PCDHGB5: variants seen among roughly 807,000 people sequenced by gnomAD.
PCDHGB5 encodes protocadherin gamma-B5.
A neutral mutation model predicts 62.9 loss-of-function variants in PCDHGB5; 48 were observed. The ratio of observed to expected loss-of-function variants is 0.76; its 90% CI spans 0.61 to 0.97. The LOEUF (loss-of-function observed/expected upper bound fraction) is 0.97. Ranked by LOEUF, PCDHGB5 falls within the 50% of genes least tolerant of loss-of-function variation. PCDHGB5 has a pLI of 0.00. For missense variants in PCDHGB5, 1,118 were observed against 1,198.6 expected, an observed-to-expected ratio of 0.93 and a Z score of 0.99; for synonymous variants, 474 against 511.2, an observed-to-expected ratio of 0.93 and a Z score of 0.98.
At chr5:141,503,023 A>T (rs1163676028) in intron 2 of PCDHGB5, among the ~76,000 whole-genome samples, 1 of 141,884 alleles carries the variant, frequency 7.0e-6, no homozygotes, top group African/African-American at 2.6e-5. Context: ...TTTTTTTTTT[A>T]ATATCTATTT....
chr5:141,422,785 T>C, intron 1 of PCDHGB5: 1 of 1,614,146 alleles, frequency 6.2e-7, no homozygotes, highest in Non-Finnish European at 8.5e-7. Flanking sequence ...TGCCCTACAA[T>C]CCTTCGACTA....
chr5:141,449,484 A>G (rs1003440539), intron 1 of PCDHGB5, among the ~76,000 whole-genome samples: 2 of 150,848 alleles, frequency 1.3e-5, no homozygotes, highest in Non-Finnish European at 3.0e-5. Context: ...CCCCATGCCT[A>G]AGGGTGAGGC....
At position 141,431,424 on chromosome 5, in the gene PCDHGB5, G is replaced by A; in HGVS notation, c.2397+30900G>A. The A allele has an allele frequency of 1.9e-6, 3 of 1,613,676 alleles. No individual in the cohort carries two copies. The highest frequency in any genetic ancestry group is 2.5e-6 in the Non-Finnish European group (3 of 1,180,028). On this transcript the variant is annotated intron_variant, in intron 1 of 3. Coordinates refer to ENST00000617380, the MANE Select transcript of PCDHGB5 (RefSeq NM_018925.3). The surrounding 1 kb of genome is among the most constrained non-coding windows in gnomAD (Gnocchi z 4.8). ...GCCTCCGACGGGGGCGACCCGGTGC[G>A]CACAGGCACCGCGCGCATCCGCGTG... is the stretch of plus-strand genomic sequence containing the variant.
At chr5:141,461,133 T>C (rs2099009646) in intron 1 of PCDHGB5, among the ~76,000 whole-genome samples, 1 of 152,086 alleles carries the variant, frequency 6.6e-6, no homozygotes, top group South Asian at 2.1e-4. Flanking sequence ...TAATTACTTA[T>C]TTTCCTTTGG....
At chr5:141,445,964 T>C (rs1199096510) in intron 1 of PCDHGB5, among the ~76,000 whole-genome samples, 2 of 152,280 alleles carry the variant, frequency 1.3e-5, no homozygotes, top group South Asian at 4.1e-4. Context: ...ATATGGAGAA[T>C]TGATTTATGA....
chr5:141,423,260 G>A (rs1402237346), intron 1 of PCDHGB5: 2 of 1,613,996 alleles, frequency 1.2e-6, no homozygotes, highest in South Asian at 1.1e-5. Flanking sequence ...GACCTCGGCA[G>A]CCTCGAGTCT....
rs1399250599 is a variant in PCDHGB5, at chr5:141,476,902, C to A, written c.2398-17905C>A. On this transcript the variant is annotated intron_variant, in intron 1 of 3. Coordinates refer to ENST00000617380, the MANE Select transcript of PCDHGB5 (RefSeq NM_018925.3). The surrounding 1 kb of genome is among the most constrained non-coding windows in gnomAD (Gnocchi z 7.6). ...TGGAGGATGCACCCTCCGGCACGCG[C>A]GTGGTACAAGTCCTTGCAACGGATC... 5 of 1,613,880 alleles carry A rather than the reference C, an allele frequency of 3.1e-6. No individual in the cohort carries two copies. Among genetic ancestry groups the A allele is most frequent in the South Asian group, 1.1e-5 (1 of 91,090 alleles).
intron 1 of PCDHGB5, among the ~76,000 whole-genome samples, chr5:141,458,513 G>T (rs968604511): frequency 6.8e-6 from 1 of 146,128 alleles, no homozygotes; most frequent in Non-Finnish European, 1.5e-5. Flanking sequence ...TTGACACTTT[G>T]TTTTTTTTTT....
At chr5:141,440,472 A>C (rs913774913) in intron 1 of PCDHGB5, 6 of 152,322 alleles carry the variant, frequency 3.9e-5, no homozygotes, top group Admixed American at 3.9e-4. Flanking sequence ...ACGGTAGTTG[A>C]AAATTCTTTA....
chr5:141,424,018 CACAA>C (rs909442976), intron 1 of PCDHGB5: 3 of 1,051,682 alleles, frequency 2.9e-6, no homozygotes, highest in South Asian at 4.6e-5. Context: ...ATTAATGATT[CACAA>C]ACACTTTTTA....
chr5:141,422,734 T>A, intron 1 of PCDHGB5: 2 of 1,608,114 alleles, frequency 1.2e-6, no homozygotes, highest in Non-Finnish European at 1.7e-6. Context: ...GGTGCCTCTG[T>A]CCTCCTATGT....
At chr5:141,429,169 T>TACATACACACACACACAC (rs369570830) in intron 1 of PCDHGB5, 115 of 145,474 alleles carry the variant, frequency 7.9e-4, no homozygotes, top group African/African-American at 2.1e-3. Flanking sequence ...ACATTGTTTA[T>TACATACACACACACACAC]ACACACACAC....
In PCDHGB5 at chr5:141,490,594, C is replaced by A. The variant is rs1276468877; in HGVS notation, c.2398-4213C>A. The A allele has an allele frequency of 2.5e-6, 4 of 1,614,056 alleles. No individual in the cohort carries two copies. The highest frequency in any genetic ancestry group is 1.6e-4 in the Middle Eastern group (1 of 6,084). On this transcript the variant is annotated intron_variant, in intron 1 of 3. Transcript: ENST00000617380. The surrounding 1 kb of genome is among the most constrained non-coding windows in gnomAD (Gnocchi z 5.4). ...CATTTCAGATGTCAATGACAATGCA[C>A]CCCGCTTCAACCAGCAGCTTTACAC...
At chr5:141,404,495 T>A in intron 1 of PCDHGB5, 1 of 1,613,920 alleles carries the variant, frequency 6.2e-7, no homozygotes, top group South Asian at 1.1e-5. Context: ...TGGTGTGCTG[T>A]ATGCTCTGTG....
At chr5:141,413,102 G>A in intron 1 of PCDHGB5, 1 of 1,480,778 alleles carries the variant, frequency 6.8e-7, no homozygotes, top group Non-Finnish European at 9.1e-7. Context: ...TGAAGCCACA[G>A]AAAGACAAAG....
In PCDHGB5 at chr5:141,413,371, CGCGGAGT is replaced by C. The variant is rs765391000; in HGVS notation, c.2397+12848_2397+12854del. The C allele has an allele frequency of 3.7e-6, 6 of 1,613,848 alleles. No homozygotes were observed. In the African/African-American group the frequency reaches 8.0e-5, roughly 22 times the overall value. On this transcript the variant is annotated intron_variant, in intron 1 of 3. Coordinates refer to ENST00000617380, the MANE Select transcript of PCDHGB5 (RefSeq NM_018925.3). ...TCTGGCGCCCCGGGAGCTGGCGGAG[CGCGGAGT>C]CCGCATAGTCTCCAGAGGTAGGACG...
chr5:141,500,184 T>TTTTATTTATTTATTTATTTA (rs58019021), intron 2 of PCDHGB5, among the ~76,000 whole-genome samples: 1 of 135,886 alleles, frequency 7.4e-6, no homozygotes, highest in African/African-American at 2.7e-5. Flanking sequence ...TCATTTTTAT[T>TTTTATTTATTTATTTATTTA]TTTATTTATT....
intron 1 of PCDHGB5, among the ~76,000 whole-genome samples, chr5:141,456,584 A>G (rs990911693): frequency 6.6e-6 from 1 of 152,212 alleles, no homozygotes; most frequent in Non-Finnish European, 1.5e-5. Flanking sequence ...TGAGCCTGTC[A>G]ATAATTTTGA....
Position 141,422,492 on chromosome 5 carries a change from C to T in PCDHGB5, c.2397+21968C>T, listed in dbSNP as rs747903569. 2.5e-6 allele frequency: 4 copies of T among 1,613,934 alleles called. No homozygotes were observed. The East Asian group carries it at 6.7e-5, about 27-fold the overall frequency. ...GAGTTGGTCCAGAGCTACAATATAA[C>T]GTTGACAGCCACAGACCAGGGAAGC... On this transcript the variant is annotated intron_variant, in intron 1 of 3. Coordinates refer to ENST00000617380, the MANE Select transcript of PCDHGB5 (RefSeq NM_018925.3).
Sources: allele counts gnomAD v4.1 joint callset (sites outside exome capture counted in the v4.1 genomes callset), GRCh38; gene constraint gnomAD v4.1.1; non-coding constraint Gnocchi (gnomAD v3.1); transcripts MANE v1.5; gene names NCBI Gene and HGNC (gene_info 2026-07-23, HGNC 2026-07-21).